Variants in FHAD1 observed in about 807,000 individuals in gnomAD.
FHAD1 encodes the protein forkhead-associated domain-containing protein 1.
A neutral mutation model predicts 191.3 loss-of-function variants in FHAD1; 146 were observed. The ratio of observed to expected loss-of-function variants is 0.76; its 90% CI spans 0.67 to 0.88. FHAD1 has a LOEUF of 0.88. Among genes scored for constraint, FHAD1 ranks in the 40% least tolerant of loss-of-function variants. The probability of loss-of-function intolerance (pLI) is 0.00; values close to 1 mark genes in which losing one functional copy is unlikely to be tolerated. For missense variants in FHAD1, 1,635 were observed against 1,785.8 expected, an observed-to-expected ratio of 0.92 and a Z score of 1.52; for synonymous variants, 616 against 672.3, an observed-to-expected ratio of 0.92 and a Z score of 1.29.
rs1353921790 is a variant in FHAD1, at chr1:15,358,102, T to C, written c.2563-8T>C. 6.7e-7 allele frequency: 1 copy of C among 1,498,366 alleles called. No individual in the cohort carries two copies. The highest frequency in any genetic ancestry group is 2.5e-5 in the East Asian group (1 of 39,950). The allele number at this position is 1,498,366 out of a possible 1,614,324, so 92.8% of individuals were successfully genotyped here. A position where few individuals can be genotyped will look rare whatever the true frequency, so the allele number is the denominator to read the frequency against. On this transcript the variant is annotated splice_polypyrimidine_tract_variant and splice_region_variant and intron_variant, in intron 20 of 33. Transcript: ENST00000688493. ...GTCTGTTATTTTGCTACTTGTTTTTTTGTCTAGGAATTAGAATTAAAAGAG... is the reference window on the plus strand; with the variant it reads ...GTCTGTTATTTTGCTACTTGTTTTTCTGTCTAGGAATTAGAATTAAAAGAG...
chr1:15,360,831 G>A, intron 22 of FHAD1, 128 bp downstream of exon 22: 1 of 761,032 alleles, frequency 1.3e-6, no homozygotes, highest in South Asian at 1.9e-5. Flanking sequence ...ATTCTCTGAG[G>A]CCCCCTTTTG....
At chr1:15,280,574 G>A (rs7519153) in intron 3 of FHAD1, among the ~76,000 whole-genome samples, 16,590 of 152,040 alleles carry the variant, frequency 0.11, 2,391 homozygotes, top group African/African-American at 0.33. Context: ...AACAGAACAC[G>A]GACGACCCGG....
At chr1:15,337,339 C>T (rs1485614181) in intron 14 of FHAD1, among the ~76,000 whole-genome samples, 1 of 152,218 alleles carries the variant, frequency 6.6e-6, no homozygotes, top group African/African-American at 2.4e-5. Context: ...GTCTCTCTCC[C>T]GTCTGATGAC....
At chr1:15,237,884 T>C (rs776697283) in intron 1 of FHAD1, among the ~76,000 whole-genome samples, 1 of 152,020 alleles carries the variant, frequency 6.6e-6, no homozygotes, top group Non-Finnish European at 1.5e-5. Flanking sequence ...CGTGAGGGGA[T>C]TGATCAGCTC....
Position 15,327,006 on chromosome 1 carries a change from C to A in FHAD1, c.1474-53C>A, listed in dbSNP as rs1433327432. On this transcript the variant is annotated intron_variant, in intron 11 of 33. Coordinates refer to ENST00000688493, the MANE Select transcript of FHAD1 (RefSeq NM_001391957.1). This position sits in a 1 kb window ranked among gnomAD's most constrained non-coding sequence, Gnocchi z 5.1. Reference sequence around the variant, plus strand: ...CACCCTGCCATGGAAACGCTGCCCCCACTTGCCGGCCCCTGCTGACCCCCT... The same window carrying A: ...CACCCTGCCATGGAAACGCTGCCCCAACTTGCCGGCCCCTGCTGACCCCCT... The A allele has an allele frequency of 1.0e-5, 12 of 1,169,344 alleles. No individual in the cohort carries two copies. The highest frequency in any genetic ancestry group is 8.1e-5 in the Admixed American group (4 of 49,432). The allele number at this position is 1,169,344 out of a possible 1,614,324, so 72.4% of individuals were successfully genotyped here.
rs879303158 is a variant in FHAD1 at position 15,391,217 on chromosome 1, T to G, written c.4277T>G (p.Val1426Gly). Residue 1426 changes from valine (V) to glycine (G), a missense_variant, in exon 33 of 34, where the codon GTA becomes GGA. Coordinates refer to ENST00000688493, the MANE Select transcript of FHAD1 (RefSeq NM_001391957.1). ...AFKEKDRQRRVFVEMVKNRMQ... is the reference protein window; with the variant it reads ...AFKEKDRQRRGFVEMVKNRMQ... ...ATTCTTTCTGTATTGAAGAGACGAG[T>G]ATTTGTAGAGATGGTGAAGAACAGG... 3.1e-6 allele frequency: 4 copies of G among 1,286,714 alleles called. No homozygotes were observed. Among genetic ancestry groups the G allele is most frequent in the African/African-American group, 1.5e-5 (1 of 65,738 alleles). 79.7% of individuals were successfully genotyped at this position (1,286,714 alleles called of 1,614,324 possible). A position where few individuals can be genotyped will look rare whatever the true frequency, so the allele number is the denominator to read the frequency against.
chr1:15,369,456 T>C lies in FHAD1; in HGVS notation c.3401T>C (p.Val1134Ala). Residue 1134 changes from valine (V) to alanine (A), a missense_variant, in exon 26 of 34, where the codon GTG becomes GCG. Val to Ala is a moderately conservative substitution (Grantham distance 64). Coordinates refer to ENST00000688493, the MANE Select transcript of FHAD1 (RefSeq NM_001391957.1). ...RKKTQTCDTSVQIEPVHTEAF... is the reference protein window; with the variant it reads ...RKKTQTCDTSAQIEPVHTEAF... ...AAGACCCAGACGTGTGACACCTCTG[T>C]GCAGATAGAACCCGTCCACACTGAG... is the stretch of plus-strand genomic sequence containing the variant. 6.4e-7 allele frequency: 1 copy of C among 1,551,720 alleles called. No individual in the cohort carries two copies. Among genetic ancestry groups the C allele is most frequent in the Non-Finnish European group, 8.7e-7 (1 of 1,147,002 alleles).
intron 2 of FHAD1, among the ~76,000 whole-genome samples, chr1:15,270,372 A>G (rs927515788): frequency 1.3e-5 from 2 of 152,194 alleles, no homozygotes; most frequent in Non-Finnish European, 2.9e-5. Flanking sequence ...AATCAGGCGA[A>G]CCTGAGTACA....
chr1:15,346,278 C>T (rs1343119252), intron 18 of FHAD1, among the ~76,000 whole-genome samples: 1 of 152,174 alleles, frequency 6.6e-6, no homozygotes, highest in African/African-American at 2.4e-5. Context: ...TTATATTTGG[C>T]CCCGGAATAT....
At chr1:15,374,652 T>C (rs1463486137) in intron 27 of FHAD1, 21 bp downstream of exon 27, 2 of 1,550,262 alleles carry the variant, frequency 1.3e-6, no homozygotes, top group Non-Finnish European at 1.7e-6. Context: ...TCCTTCCTAG[T>C]CAGAGCAGTG....
At chr1:15,386,840 CCTTT>C (rs944206027) in intron 31 of FHAD1, among the ~76,000 whole-genome samples, 16 of 137,972 alleles carry the variant, frequency 1.2e-4, no homozygotes, top group African/African-American at 2.8e-4. Context: ...CTTTTTTTTT[CCTTT>C]CTTTCTTTTT....
Position 15,248,461 on chromosome 1 carries a change from G to A in FHAD1, c.-15+1066G>A, listed in dbSNP as rs145662865. ...CGGGGTGATGCAGGACAGCTCAGGT[G>A]GATGCTGTGCACACTGCGAGTCTGT... On this transcript the variant is annotated intron_variant, in intron 1 of 33. Transcript: ENST00000688493. Among the ~76,000 whole-genome samples the A allele has an allele frequency of 7.9e-4, 120 of 152,250 alleles. 1 individual carries two copies. Among genetic ancestry groups the A allele is most frequent in the African/African-American group, 2.8e-3 (115 of 41,550 alleles).
At chr1:15,245,685 G>A (rs1335018797), upstream of FHAD1, among the ~76,000 whole-genome samples, 1 of 152,196 alleles carries the variant, frequency 6.6e-6, no homozygotes, top group Non-Finnish European at 1.5e-5. Context: ...GATCCAGGCA[G>A]AACCTTCCAG....
intron 10 of FHAD1, among the ~76,000 whole-genome samples, chr1:15,323,838 T>G (rs557729783): frequency 6.6e-6 from 1 of 152,326 alleles, no homozygotes; most frequent in East Asian, 1.9e-4. Flanking sequence ...GCTACAATTC[T>G]TTACTAGCCA....
chr1:15,368,768 C>G (rs772326784), intron 25 of FHAD1, among the ~76,000 whole-genome samples: 14 of 152,118 alleles, frequency 9.2e-5, no homozygotes, highest in Non-Finnish European at 1.3e-4. Context: ...ATAGTGAAAC[C>G]CTGTCTCTAC....
At chr1:15,380,624 C>A in intron 28 of FHAD1, 77 bp from the exon 29 acceptor site, 1 of 1,163,650 alleles carries the variant, frequency 8.6e-7, no homozygotes, top group Non-Finnish European at 1.3e-6. Context: ...TCGGTAATCA[C>A]ACAGTGCTTT....
At chr1:15,319,484 G>C (rs1675575647) in intron 10 of FHAD1, among the ~76,000 whole-genome samples, 1 of 152,142 alleles carries the variant, frequency 6.6e-6, no homozygotes, top group Non-Finnish European at 1.5e-5. Context: ...TTCTTGTCCA[G>C]GTGCAGTAGC....
At chr1:15,390,483 C>T (rs531478102) in intron 32 of FHAD1, among the ~76,000 whole-genome samples, 27 of 152,230 alleles carry the variant, frequency 1.8e-4, no homozygotes, top group South Asian at 1.5e-3. Context: ...GAAAGGACCC[C>T]GGCCCCTGGG....
chr1:15,266,409 C>CT (rs112177423), intron 2 of FHAD1, among the ~76,000 whole-genome samples: 4,391 of 140,502 alleles, frequency 0.031, 190 homozygotes, highest in African/African-American at 0.1. Context: ...CTGGCCTAGA[C>CT]TTTTTTTTTT....
Sources: allele counts gnomAD v4.1 joint callset (sites outside exome capture counted in the v4.1 genomes callset), GRCh38; gene constraint gnomAD v4.1.1; non-coding constraint Gnocchi (gnomAD v3.1); transcripts MANE v1.5; gene names NCBI Gene and HGNC (gene_info 2026-07-23, HGNC 2026-07-21).